The following CDH13 variants were observed in gnomAD, a reference collection of about 807,000 sequenced individuals.
CDH13 encodes cadherin-13.
Under a neutral mutation model 63.8 loss-of-function variants are expected in CDH13, and 24 were observed. The ratio of observed to expected loss-of-function variants is 0.38; its 90% CI spans 0.27 to 0.53. The LOEUF (loss-of-function observed/expected upper bound fraction) is 0.53. Ranked by LOEUF, CDH13 falls within the 20% of genes least tolerant of loss-of-function variation. The probability of loss-of-function intolerance (pLI) is 0.85; values close to 1 mark genes in which losing one functional copy is unlikely to be tolerated. For synonymous variants in CDH13, 503 were observed against 355.3 expected, an observed-to-expected ratio of 1.42 and a Z score of -4.67; for missense variants, 1,049 against 903.1, an observed-to-expected ratio of 1.16 and a Z score of -2.07.
chr16:83,606,314 C>T (rs1419050889), intron 8 of CDH13, among the ~76,000 whole-genome samples: 1 of 152,176 alleles, frequency 6.6e-6, no homozygotes, highest in Non-Finnish European at 1.5e-5. Context: ...GACTTTCCCT[C>T]TCCGGAGAGA....
chr16:83,301,650 C>T (rs573929743), intron 5 of CDH13, among the ~76,000 whole-genome samples: 62 of 152,034 alleles, frequency 4.1e-4, no homozygotes, highest in Non-Finnish European at 2.6e-4. Context: ...GGAGGCTTTA[C>T]GAAGAGTTTT....
chr16:83,105,393 G>A (rs1237011039), intron 3 of CDH13, among the ~76,000 whole-genome samples: 10 of 152,192 alleles, frequency 6.6e-5, no homozygotes, highest in Non-Finnish European at 1.2e-4. Flanking sequence ...GAGGCTGAGC[G>A]CAGGGTGGCT....
chr16:83,767,034 C>T (rs1348762222), intron 11 of CDH13, among the ~76,000 whole-genome samples: 1 of 152,134 alleles, frequency 6.6e-6, no homozygotes, highest in Non-Finnish European at 1.5e-5. Context: ...TTATAAATTA[C>T]CCAGTCTCGG....
chr16:82,997,972 A>G (rs1912431354), intron 2 of CDH13, among the ~76,000 whole-genome samples: 1 of 152,204 alleles, frequency 6.6e-6, no homozygotes, highest in African/African-American at 2.4e-5. Flanking sequence ...CCTACTTAGA[A>G]ACTCTGTATA....
intron 7 of CDH13, among the ~76,000 whole-genome samples, chr16:83,507,486 C>A (rs2074428121): frequency 6.6e-6 from 1 of 152,208 alleles, no homozygotes; most frequent in Non-Finnish European, 1.5e-5. Flanking sequence ...TAATGGTACA[C>A]AGTCTTTGTC....
chr16:82,759,375 T>A (rs975731169), intron 1 of CDH13, among the ~76,000 whole-genome samples: 52 of 152,102 alleles, frequency 3.4e-4, no homozygotes, highest in African/African-American at 1.3e-3. Flanking sequence ...ACTACACCCA[T>A]TTTAGGGAAG....
At chr16:83,513,799 C>G (rs1174145511) in intron 7 of CDH13, among the ~76,000 whole-genome samples, 1 of 152,136 alleles carries the variant, frequency 6.6e-6, no homozygotes, top group Non-Finnish European at 1.5e-5. Flanking sequence ...CACGGCCAAA[C>G]CTTAACAGTT....
At chr16:83,192,515 C>G (rs895859170) in intron 4 of CDH13, among the ~76,000 whole-genome samples, 1 of 152,172 alleles carries the variant, frequency 6.6e-6, no homozygotes, top group Non-Finnish European at 1.5e-5. Flanking sequence ...CCTCCACATG[C>G]TCTGAGAAAA....
At chr16:82,881,526 A>T (rs1358212314) in intron 2 of CDH13, among the ~76,000 whole-genome samples, 1 of 152,176 alleles carries the variant, frequency 6.6e-6, no homozygotes, top group African/African-American at 2.4e-5. Context: ...AGGAGCCATG[A>T]CCTTAGAGGA....
chr16:82,985,961 G>A (rs1910883887), intron 2 of CDH13, among the ~76,000 whole-genome samples: 1 of 152,000 alleles, frequency 6.6e-6, no homozygotes, highest in African/African-American at 2.4e-5. Flanking sequence ...GCTTCCCGAA[G>A]CCTCCCCACA....
At chr16:83,200,733 T>C (rs111715662) in intron 4 of CDH13, among the ~76,000 whole-genome samples, 3,501 of 152,320 alleles carry the variant, frequency 0.023, 73 homozygotes, top group Non-Finnish European at 0.037. Context: ...CGAAAAACTT[T>C]GCCAAAGCAT....
At chr16:83,647,981 T>G (rs1187289505) in intron 8 of CDH13, among the ~76,000 whole-genome samples, 2 of 152,152 alleles carry the variant, frequency 1.3e-5, no homozygotes, top group Admixed American at 6.5e-5. Flanking sequence ...CCTGATAAGG[T>G]AACAGCATTA....
chr16:82,935,280 C>G (rs776034614), intron 2 of CDH13, among the ~76,000 whole-genome samples: 2 of 152,142 alleles, frequency 1.3e-5, no homozygotes, highest in Non-Finnish European at 2.9e-5. Context: ...AACTCACTCA[C>G]TATCATGAGA....
chr16:83,704,083 T>A (rs1441654428), intron 10 of CDH13, among the ~76,000 whole-genome samples: 1 of 152,158 alleles, frequency 6.6e-6, no homozygotes, highest in Non-Finnish European at 1.5e-5. Context: ...CTCACACCCA[T>A]CCCTAACTTT....
chr16:83,660,925 T>A (rs977424819), intron 8 of CDH13, among the ~76,000 whole-genome samples: 18 of 118,572 alleles, frequency 1.5e-4, no homozygotes, highest in African/African-American at 5.0e-4. Flanking sequence ...AGCCTGAAAT[T>A]GAAGAAAAAA....
intron 2 of CDH13, among the ~76,000 whole-genome samples, chr16:82,866,091 T>A (rs977313437): frequency 3.3e-5 from 5 of 152,138 alleles, no homozygotes; most frequent in African/African-American, 4.8e-5. Context: ...TTACCTTTAT[T>A]CCAGTTCCCA....
At chr16:83,767,315 A>G (rs1250992075) in intron 11 of CDH13, among the ~76,000 whole-genome samples, 1 of 152,308 alleles carries the variant, frequency 6.6e-6, no homozygotes, top group East Asian at 1.9e-4. Flanking sequence ...TAATGGAATC[A>G]TGGGGGCAGT....
At chr16:82,817,701 A>T (rs1487801879) in intron 1 of CDH13, among the ~76,000 whole-genome samples, 3 of 152,138 alleles carry the variant, frequency 2.0e-5, no homozygotes, top group Non-Finnish European at 1.5e-5. Context: ...GCTACTCAGG[A>T]GGCTGAGGTG....
In CDH13 at chr16:82,811,515, A is replaced by T. The variant is rs560323014; in HGVS notation, c.46-46847A>T. 1.1e-4 allele frequency among the ~76,000 whole-genome samples: 16 copies of T among 152,266 alleles called. No individual in the cohort carries two copies. In the South Asian group the frequency reaches 3.3e-3, roughly 32 times the overall value. ...CACAGGTTCTGCTAATACTATTGTG[A>T]TTTGTTATCTACATTCATAGTTGAA... is the stretch of plus-strand genomic sequence containing the variant. On this transcript the variant is annotated intron_variant, in intron 1 of 13. Transcript: ENST00000567109.
Sources: allele counts gnomAD v4.1 joint callset (sites outside exome capture counted in the v4.1 genomes callset), GRCh38; gene constraint gnomAD v4.1.1; transcripts MANE v1.5; gene names NCBI Gene and HGNC (gene_info 2026-07-23, HGNC 2026-07-21).